XYLT1: variants seen among roughly 807,000 people sequenced by gnomAD.
XYLT1 encodes beta-D-xylosyltransferase 1.
XYLT1 carries 36 observed loss-of-function variants against 91.3 expected under a neutral mutation model. The ratio of observed to expected loss-of-function variants is 0.39; its 90% CI spans 0.30 to 0.52. XYLT1 has a LOEUF of 0.52. XYLT1 is among the 20% of genes least tolerant of loss of function. The probability of loss-of-function intolerance (pLI) is 0.68; values close to 1 mark genes in which losing one functional copy is unlikely to be tolerated. For missense variants in XYLT1, 1,242 were observed against 1,284.5 expected, an observed-to-expected ratio of 0.97 and a Z score of 0.51; for synonymous variants, 588 against 532.0, an observed-to-expected ratio of 1.11 and a Z score of -1.45.
chr16:17,128,435 T>C (rs2030339776), intron 9 of XYLT1, among the ~76,000 whole-genome samples: 1 of 152,214 alleles, frequency 6.6e-6, no homozygotes, highest in African/African-American at 2.4e-5. Context: ...TTCTCTAGCA[T>C]TGGATGATAA....
intron 1 of XYLT1, among the ~76,000 whole-genome samples, chr16:17,368,894 CT>C (rs2035489818): frequency 6.6e-6 from 1 of 151,830 alleles, no homozygotes; most frequent in Admixed American, 6.6e-5. Flanking sequence ...TGCTTTTTCT[CT>C]TGATGACATT....
intron 1 of XYLT1, among the ~76,000 whole-genome samples, chr16:17,439,661 T>G (rs1326917778): frequency 6.6e-6 from 1 of 152,172 alleles, no homozygotes; most frequent in Non-Finnish European, 1.5e-5. Flanking sequence ...ACTGTAGTAG[T>G]AGGTTCTGAA....
rs368623797 is a variant in XYLT1, at chr16:17,312,636, T to C, written c.402+45376A>G. ...GTTAACGGGACTGCAGATTTTGTTTTTGTTTTCACCCATTTTCAACATACT... is the reference window on the plus strand; with the variant it reads ...GTTAACGGGACTGCAGATTTTGTTTCTGTTTTCACCCATTTTCAACATACT... On this transcript the variant is annotated intron_variant, in intron 2 of 11. Transcript: ENST00000261381. This position sits in a 1 kb window ranked among gnomAD's most constrained non-coding sequence, Gnocchi z 4.4. Among the ~76,000 whole-genome samples the C allele has an allele frequency of 4.6e-5, 7 of 152,330 alleles. No homozygotes were observed. In the East Asian group the frequency reaches 5.8e-4, roughly 13 times the overall value.
At chr16:17,155,521 T>C (rs1231639796) in intron 6 of XYLT1, among the ~76,000 whole-genome samples, 1 of 152,208 alleles carries the variant, frequency 6.6e-6, no homozygotes, top group Non-Finnish European at 1.5e-5. Flanking sequence ...GTGAAAGAAC[T>C]TGAGCAAGCC....
chr16:17,169,615 G>A (rs372055873), intron 5 of XYLT1, among the ~76,000 whole-genome samples: 55 of 132,932 alleles, frequency 4.1e-4, no homozygotes, highest in African/African-American at 1.4e-3. Context: ...AACCCAGGAC[G>A]CCACCGGAAT....
Position 17,259,279 on chromosome 16 carries a change from A to G in XYLT1, c.622T>C (p.Phe208Leu), listed in dbSNP as rs1567345356. The change falls in exon 3 of 12, where the codon TTC becomes CTC. Residue 208 changes from phenylalanine (F) to leucine (L), a missense_variant. Physicochemically the swap from Phe to Leu is conservative, Grantham distance 22. Around this residue, in one of 3 missense-constraint regions of XYLT1, gnomAD observed 437 missense variants for 411.5 expected, o/e 1.06. Coordinates refer to ENST00000261381, the MANE Select transcript of XYLT1 (RefSeq NM_022166.4). Reference sequence around the variant, plus strand: ...ACCTCACCGGGGCCTTTCCCAGGGAATGTATGTCCTTTTCCTTTCTCCTGC... The same window carrying G: ...ACCTCACCGGGGCCTTTCCCAGGGAGTGTATGTCCTTTTCCTTTCTCCTGC... ...EQQEKGKGHT[F>L]PGKGPGEVLP... 1 of 1,613,732 alleles carries G rather than the reference A, an allele frequency of 6.2e-7. No homozygotes were observed. The highest frequency in any genetic ancestry group is 8.5e-7 in the Non-Finnish European group (1 of 1,179,952).
At chr16:17,401,629 G>A (rs7405358) in intron 1 of XYLT1, among the ~76,000 whole-genome samples, 7,392 of 152,092 alleles carry the variant, frequency 0.049, 256 homozygotes, top group Non-Finnish European at 0.069. Context: ...GAGCTGGGAG[G>A]GGTAAATTTT....
intron 1 of XYLT1, among the ~76,000 whole-genome samples, chr16:17,463,672 C>T (rs533107255): frequency 4.7e-4 from 72 of 152,338 alleles, no homozygotes; most frequent in African/African-American, 1.4e-3. Flanking sequence ...AGGTTCTTCA[C>T]AAGCTAAAAA....
At chr16:17,123,559 C>T (rs1488667414) in intron 10 of XYLT1, among the ~76,000 whole-genome samples, 1 of 152,042 alleles carries the variant, frequency 6.6e-6, no homozygotes, top group Non-Finnish European at 1.5e-5. Context: ...TTTTGATTTT[C>T]TTAAAATTGT....
rs925510014 is a variant in XYLT1 at position 17,470,883 on chromosome 16, G to C, written c.-87C>G. 10 of 975,970 alleles carry C rather than the reference G, an allele frequency of 1.0e-5. No homozygotes were observed. The highest frequency in any genetic ancestry group is 1.2e-5 in the Non-Finnish European group (10 of 823,484). 60.5% of individuals were successfully genotyped at this position (975,970 alleles called of 1,614,324 possible). A position where few individuals can be genotyped will look rare whatever the true frequency, so the allele number is the denominator to read the frequency against. ...GCTCCCCGCAGCTCCCGCGGCCGCC[G>C]GCTGCCGCTCGGGCTCCCGCTCGGG... On this transcript the variant is annotated 5_prime_UTR_variant, in exon 1 of 12. Transcript: ENST00000261381.
At chr16:17,136,199 G>A (rs2030712887) in intron 8 of XYLT1, among the ~76,000 whole-genome samples, 1 of 152,204 alleles carries the variant, frequency 6.6e-6, no homozygotes, top group African/African-American at 2.4e-5. Context: ...TTTTACAGAT[G>A]AGAAAACTGA....
At chr16:17,238,528 G>A (rs1013717684) in intron 3 of XYLT1, among the ~76,000 whole-genome samples, 7 of 152,190 alleles carry the variant, frequency 4.6e-5, no homozygotes, top group Non-Finnish European at 8.8e-5. Flanking sequence ...AAAGCAGACT[G>A]GCAGCTGTCT....
chr16:17,132,324 A>G (rs2030514492), intron 9 of XYLT1, among the ~76,000 whole-genome samples: 1 of 152,124 alleles, frequency 6.6e-6, no homozygotes, highest in African/African-American at 2.4e-5. Context: ...GGGGTGAGCT[A>G]TCTTAATAAG....
At chr16:17,425,590 T>C (rs569799568) in intron 1 of XYLT1, among the ~76,000 whole-genome samples, 1 of 152,344 alleles carries the variant, frequency 6.6e-6, no homozygotes, top group African/African-American at 2.4e-5. Flanking sequence ...AAGCCCATAT[T>C]TCAGGAAAGG....
At chr16:17,297,796 CAGATCATGAGGTCAGG>C (rs1286372245) in intron 2 of XYLT1, among the ~76,000 whole-genome samples, 1 of 152,010 alleles carries the variant, frequency 6.6e-6, no homozygotes, top group Non-Finnish European at 1.5e-5. Flanking sequence ...TCGAGGCGGG[CAGATCATGAGGTCAGG>C]AGATCGAGAC....
At chr16:17,218,672 C>T (rs991834890) in intron 3 of XYLT1, among the ~76,000 whole-genome samples, 4 of 152,172 alleles carry the variant, frequency 2.6e-5, no homozygotes, top group Admixed American at 6.5e-5. Flanking sequence ...GCTATTACTC[C>T]GGCCCCCATC....
At chr16:17,425,219 G>A (rs1248707449) in intron 1 of XYLT1, among the ~76,000 whole-genome samples, 1 of 152,178 alleles carries the variant, frequency 6.6e-6, no homozygotes, top group Non-Finnish European at 1.5e-5. Flanking sequence ...CTCAGCGCTT[G>A]CAATTCCCCC....
At chr16:17,235,155 G>T (rs1297794711) in intron 3 of XYLT1, among the ~76,000 whole-genome samples, 1 of 152,090 alleles carries the variant, frequency 6.6e-6, no homozygotes, top group African/African-American at 2.4e-5. Flanking sequence ...GGGAATGGAG[G>T]TTACTGATGC....
intron 5 of XYLT1, among the ~76,000 whole-genome samples, chr16:17,173,004 C>T (rs760699992): frequency 5.3e-5 from 8 of 151,978 alleles, no homozygotes; most frequent in East Asian, 1.9e-4. Flanking sequence ...GCTCCTTCTG[C>T]GCTCCTATGG....
Sources: allele counts gnomAD v4.1 joint callset (sites outside exome capture counted in the v4.1 genomes callset), GRCh38; gene constraint gnomAD v4.1.1; regional missense constraint gnomAD v4.1.1; non-coding constraint Gnocchi (gnomAD v3.1); transcripts MANE v1.5; gene names NCBI Gene and HGNC (gene_info 2026-07-23, HGNC 2026-07-21).